PTCRA: variants seen among roughly 807,000 people sequenced by gnomAD.
The protein encoded by PTCRA is pre T cell antigen receptor alpha.
Under a neutral mutation model 13.4 loss-of-function variants are expected in PTCRA, and 9 were observed. That is an observed-to-expected ratio of 0.67 (90% CI 0.41 to 1.18). The LOEUF is 1.18. Among genes scored for constraint, PTCRA ranks in the 50% most tolerant of loss-of-function variants. The pLI is 0.01. For synonymous variants in PTCRA, 153 were observed against 161.9 expected, an observed-to-expected ratio of 0.94 and a Z score of 0.42; for missense variants, 353 against 359.8, an observed-to-expected ratio of 0.98 and a Z score of 0.15.
At chr6:42,917,526 A>ATATTATTAT (rs71547824) in intron 1 of PTCRA, among the ~76,000 whole-genome samples, 1,847 of 131,700 alleles carry the variant, frequency 0.014, 25 homozygotes, top group East Asian at 0.015. Flanking sequence ...CCAGCCCGTT[A>ATATTATTAT]TATTATTATT....
intron 1 of PTCRA, among the ~76,000 whole-genome samples, chr6:42,919,771 C>T (rs1767056295): frequency 4.7e-3 from 1 of 212 alleles, no homozygotes; most frequent in South Asian, 0.12. Context: ...GGGCCAGGTG[C>T]GGTGGCTCAC....
At chr6:42,924,433 G>A in intron 3 of PTCRA, 160 bp downstream of exon 3, 1 of 686,444 alleles carries the variant, frequency 1.5e-6, no homozygotes, top group Non-Finnish European at 2.6e-6. Flanking sequence ...TGGCTAGCAT[G>A]GGCCTCAGTC....
At chr6:42,916,768 G>A (rs1169572842) in intron 1 of PTCRA, among the ~76,000 whole-genome samples, 2 of 152,164 alleles carry the variant, frequency 1.3e-5, no homozygotes, top group African/African-American at 4.8e-5. Context: ...GTACGTGGTG[G>A]GGGAAGGTCC....
rs899788257 is a variant in PTCRA, at chr6:42,920,714, A to C, written c.59-2313A>C. Among the ~76,000 whole-genome samples the C allele has an allele frequency of 6.6e-5, 10 of 151,370 alleles. No homozygotes were observed. The South Asian group carries it at 8.4e-4, about 13-fold the overall frequency. ...TGCTGGGATTACAGGCTTGAGCCAC[A>C]GCGCCCAGCCATGACTTAGTTCTTA... On this transcript the variant is annotated intron_variant, in intron 1 of 3. Transcript: ENST00000304672.
At chr6:42,917,347 C>T (rs963512245) in intron 1 of PTCRA, among the ~76,000 whole-genome samples, 1 of 148,560 alleles carries the variant, frequency 6.7e-6, no homozygotes, top group East Asian at 2.0e-4. Context: ...CTCAGCCTCC[C>T]AAGTAGCTGG....
chr6:42,918,040 G>T (rs144682884), intron 1 of PTCRA, among the ~76,000 whole-genome samples: 1 of 152,108 alleles, frequency 6.6e-6, no homozygotes, highest in Non-Finnish European at 1.5e-5. Flanking sequence ...CAGATCACTT[G>T]AAGTCAGGAG....
Position 42,925,640 on chromosome 6 carries a change from TG to T in PTCRA, c.805del (p.Ala269GlnfsTer26). The T allele has an allele frequency of 6.4e-7, 1 of 1,555,336 alleles. No homozygotes were observed. The highest frequency in any genetic ancestry group is 8.7e-7 in the Non-Finnish European group (1 of 1,152,492). ...APSSSLGAFF[A>X]GDLPPPLQAG... The stretch of plus-strand genomic sequence containing the variant: ...CTTCCTCCAGTCTTGGAGCATTTTT[TG>T]CAGGTGACCTGCCTCCTCCTCTGCA... On this transcript the variant is annotated frameshift_variant, in exon 4 of 4. Coordinates refer to ENST00000304672, the MANE Select transcript of PTCRA (RefSeq NM_138296.3). LOFTEE classifies it low-confidence loss of function (END_TRUNC). This position sits in a 1 kb window ranked among gnomAD's most constrained non-coding sequence, Gnocchi z 4.4.
chr6:42,922,154 G>C lies in PTCRA; in HGVS notation c.59-873G>C, dbSNP rs1767201011. 3 of 687,076 alleles carry C rather than the reference G, an allele frequency of 4.4e-6. No homozygotes were observed. In the South Asian group the frequency reaches 4.7e-5, roughly 11 times the overall value. The allele number at this position is 687,076 out of a possible 1,614,324, so 42.6% of individuals were successfully genotyped here. ...TTAACATTTTGCCATATTTAAATCA[G>C]ACTTTTAAAAAAAGAAACAAAAAGT... On this transcript the variant is annotated intron_variant, in intron 1 of 3. Coordinates refer to ENST00000304672, the MANE Select transcript of PTCRA (RefSeq NM_138296.3).
chr6:42,925,146 G>A lies in PTCRA; in HGVS notation c.425-115G>A. ...CTAGACACCGGGAAGGACTTTCCCT[G>A]GAGGAGGGGGTGAAGGGGACGGGCA... On this transcript the variant is annotated intron_variant, in intron 3 of 3. Transcript: ENST00000304672. The surrounding 1 kb of genome is among the most constrained non-coding windows in gnomAD (Gnocchi z 4.4). 1 of 1,374,672 alleles carries A rather than the reference G, an allele frequency of 7.3e-7. No individual in the cohort carries two copies. Among genetic ancestry groups the A allele is most frequent in the African/African-American group, 1.4e-5 (1 of 69,310 alleles). The allele number at this position is 1,374,672 out of a possible 1,614,324, so 85.2% of individuals were successfully genotyped here. A position where few individuals can be genotyped will look rare whatever the true frequency, so the allele number is the denominator to read the frequency against.
chr6:42,917,365 GGCA>G, intron 1 of PTCRA, among the ~76,000 whole-genome samples: 1 of 148,740 alleles, frequency 6.7e-6, no homozygotes, highest in Admixed American at 6.7e-5. Flanking sequence ...TGGGATTACA[GGCA>G]CCTGCCACCA....
intron 1 of PTCRA, among the ~76,000 whole-genome samples, chr6:42,918,546 C>T (rs1325908456): frequency 6.6e-6 from 1 of 151,844 alleles, no homozygotes; most frequent in Non-Finnish European, 1.5e-5. Context: ...CAGAGTGAGA[C>T]TCCATCTCAA....
chr6:42,924,441 G>T, intron 3 of PTCRA, 168 bp downstream of exon 3: 1 of 675,726 alleles, frequency 1.5e-6, no homozygotes, highest in Admixed American at 2.7e-5. Flanking sequence ...ATGGGCCTCA[G>T]TCTACCTAGC....
chr6:42,917,525 T>TATA (rs1187792647), intron 1 of PTCRA, among the ~76,000 whole-genome samples: 2 of 118,620 alleles, frequency 1.7e-5, no homozygotes, highest in Non-Finnish European at 3.5e-5. Flanking sequence ...CCCAGCCCGT[T>TATA]ATATTATTAT....
chr6:42,922,214 C>G (rs1331103233), intron 1 of PTCRA: 2 of 702,462 alleles, frequency 2.8e-6, no homozygotes, highest in African/African-American at 3.5e-5. Context: ...TAATCTCATT[C>G]CAGGTCCTGT....
At chr6:42,923,489 G>A (rs1767291175) in intron 2 of PTCRA, 142 bp downstream of exon 2, 2 of 773,968 alleles carry the variant, frequency 2.6e-6, no homozygotes, top group Non-Finnish European at 2.0e-6. Context: ...TGACACCTGG[G>A]CTCAGGGGAG....
rs1455495445 is a variant in PTCRA, at chr6:42,925,209, G to A, written c.425-52G>A. The A allele has an allele frequency of 1.3e-6, 2 of 1,539,826 alleles. No individual in the cohort carries two copies. The highest frequency in any genetic ancestry group is 2.4e-5 in the South Asian group (2 of 84,038). On this transcript the variant is annotated intron_variant, in intron 3 of 3. Coordinates refer to ENST00000304672, the MANE Select transcript of PTCRA (RefSeq NM_138296.3). This position sits in a 1 kb window ranked among gnomAD's most constrained non-coding sequence, Gnocchi z 4.4. Reference sequence around the variant, plus strand: ...AAGGCCCTCTCCGCCGTTCTCTCCTGGGGTAGGGGGCTGCGGGCTCCTGCG... The same window carrying A: ...AAGGCCCTCTCCGCCGTTCTCTCCTAGGGTAGGGGGCTGCGGGCTCCTGCG...
Position 42,925,773 on chromosome 6 carries a change from G to C in PTCRA, c.*91G>C. The C allele has an allele frequency of 1.3e-6, 1 of 775,822 alleles. No homozygotes were observed. Among genetic ancestry groups the C allele is most frequent in the Non-Finnish European group, 2.0e-6 (1 of 502,744 alleles). The allele number at this position is 775,822 out of a possible 1,614,324, so 48.1% of individuals were successfully genotyped here. A position where few individuals can be genotyped will look rare whatever the true frequency, so the allele number is the denominator to read the frequency against. On this transcript the variant is annotated 3_prime_UTR_variant, in exon 4 of 4. Coordinates refer to ENST00000304672, the MANE Select transcript of PTCRA (RefSeq NM_138296.3). The surrounding 1 kb of genome is among the most constrained non-coding windows in gnomAD (Gnocchi z 4.4). The stretch of plus-strand genomic sequence containing the variant: ...CCCCTTGAGAATGGTGATCCACCCA[G>C]TTACAGGGGCATTTAGGGAGCAGAT...
chr6:42,919,084 G>A (rs577676126), intron 1 of PTCRA, among the ~76,000 whole-genome samples: 3 of 137,748 alleles, frequency 2.2e-5, no homozygotes, highest in East Asian at 4.2e-4. Context: ...CCGCTCTGTC[G>A]CCAGGCTGGA....
rs1230392768 is a variant in PTCRA, at chr6:42,923,107, T to G, written c.139T>G (p.Cys47Gly). 2 of 1,614,252 alleles carry G rather than the reference T, an allele frequency of 1.2e-6. No individual in the cohort carries two copies. Among genetic ancestry groups the G allele is most frequent in the South Asian group, 1.1e-5 (1 of 91,090 alleles). ...VDGKQQMVVV[C>G]LVLDVAPPGL... ...TGGAAAGCAGCAGATGGTGGTGGTC[T>G]GCCTGGTCCTTGATGTTGCACCCCC... The change falls in exon 2 of 4, where the codon TGC becomes GGC. Residue 47 changes from cysteine (C) to glycine (G), a missense_variant. Physicochemically the swap from Cys to Gly is radical, Grantham distance 159. Coordinates refer to ENST00000304672, the MANE Select transcript of PTCRA (RefSeq NM_138296.3).
Sources: allele counts gnomAD v4.1 joint callset (sites outside exome capture counted in the v4.1 genomes callset), GRCh38; gene constraint gnomAD v4.1.1; non-coding constraint Gnocchi (gnomAD v3.1); transcripts MANE v1.5; gene names NCBI Gene and HGNC (gene_info 2026-07-23, HGNC 2026-07-21).